The following RPL31 variants were observed in gnomAD, a reference collection of about 807,000 sequenced individuals.
RPL31 encodes the protein large ribosomal subunit protein eL31.
For synonymous variants in RPL31, 51 were observed against 55.0 expected (o/e 0.93, Z 0.32); for missense variants, 95 against 164.0 (o/e 0.58, Z 2.30).
chr2:101,005,707 A>C, intron 3 of RPL31: 1 of 502,618 alleles, frequency 2.0e-6, no homozygotes, highest in Non-Finnish European at 3.5e-6. Context: ...ATATCTGCTT[A>C]GGATTAACCG....
Position 101,006,417 on chromosome 2 carries a change from G to A in RPL31, c.*36G>A, listed in dbSNP as rs1678740199. On this transcript the variant is annotated 3_prime_UTR_variant, in exon 5 of 5. Coordinates refer to ENST00000264258, the MANE Select transcript of RPL31 (RefSeq NM_000993.5). The stretch of plus-strand genomic sequence containing the variant: ...TCAGATCAAATAAAGTTATAAAATT[G>A]CCTTCATGTTTTTGTTCTTTTTAGT... 2 of 1,596,042 alleles carry A rather than the reference G, an allele frequency of 1.3e-6. No homozygotes were observed. The highest frequency in any genetic ancestry group is 1.7e-6 in the Non-Finnish European group (2 of 1,173,496).
chr2:101,004,436 ATC>A (rs898615594), intron 3 of RPL31, 153 bp downstream of exon 3: 1 of 757,098 alleles, frequency 1.3e-6, no homozygotes, highest in African/African-American at 1.8e-5. Flanking sequence ...GGTGTGTAGT[ATC>A]TGCAGGGAAG....
chr2:101,004,001 C>T (rs530918138), intron 2 of RPL31, among the ~76,000 whole-genome samples, 157 bp from the exon 3 acceptor site: 10 of 152,304 alleles, frequency 6.6e-5, no homozygotes, highest in East Asian at 3.9e-4. Context: ...GCTTTAAGCA[C>T]ACTGGCCTAC....
At chr2:101,008,931 C>T (rs185302246), downstream of RPL31, among the ~76,000 whole-genome samples, 14 of 152,206 alleles carry the variant, frequency 9.2e-5, no homozygotes, top group Admixed American at 9.2e-4. Flanking sequence ...GGGCATGTTC[C>T]TCTGGTGGGA....
At chr2:101,007,611 C>T (rs1013293785), downstream of RPL31, 21 of 560,600 alleles carry the variant, frequency 3.7e-5, no homozygotes, top group Non-Finnish European at 6.2e-5. Flanking sequence ...TCAAGGGAAC[C>T]AATGGATACC....
downstream of RPL31, chr2:101,010,802 AACCCTGG>A (rs1220024389): frequency 1.5e-4 from 103 of 706,050 alleles, 1 homozygote; most frequent in Non-Finnish European, 4.0e-5. Flanking sequence ...GAACTGCTTG[AACCCTGG>A]AGGTGGAGGT....
chr2:101,019,121 A>G, exon 5 of RPL31: 1 of 1,539,770 alleles, frequency 6.5e-7, no homozygotes, highest in African/African-American at 1.4e-5. Flanking sequence ...CTTTACAACC[A>G]AGCTCACCGA....
chr2:101,004,403 AAAAT>A (rs2105348802), intron 3 of RPL31, 120 bp downstream of exon 3: 1 of 1,077,162 alleles, frequency 9.3e-7, no homozygotes, highest in African/African-American at 1.6e-5. Context: ...ATAAAAAAAA[AAAAT>A]ACTGTGACCG....
downstream of RPL31, chr2:101,008,109 C>CTT: frequency 6.2e-7 from 1 of 1,613,834 alleles, no homozygotes; most frequent in East Asian, 2.2e-5. Flanking sequence ...GCAGCTCCTC[C>CTT]CCACACTCCT....
At chr2:101,011,365 A>G (rs1679195935), downstream of RPL31, 1 of 1,303,628 alleles carries the variant, frequency 7.7e-7, no homozygotes, top group African/African-American at 1.5e-5. Flanking sequence ...CAAGGCTGCT[A>G]CAAGAAGAGG....
At chr2:101,018,983 A>G (rs761171858) in intron 4 of RPL31, 11 of 1,610,992 alleles carry the variant, frequency 6.8e-6, no homozygotes, top group African/African-American at 2.7e-5. Context: ...ATCATCTGTA[A>G]TATTTCTGTG....
intron 2 of RPL31, among the ~76,000 whole-genome samples, 167 bp from the exon 3 acceptor site, chr2:101,003,991 G>A (rs969651489): frequency 6.6e-6 from 1 of 152,154 alleles, no homozygotes; most frequent in Non-Finnish European, 1.5e-5. Context: ...TCTTCACTGA[G>A]CTTTAAGCAC....
At chr2:101,008,565 A>G (rs1023526860), downstream of RPL31, among the ~76,000 whole-genome samples, 1 of 152,184 alleles carries the variant, frequency 6.6e-6, no homozygotes, top group African/African-American at 2.4e-5. Context: ...CTGTAATCCC[A>G]GCACTGTGGG....
intron 3 of RPL31, chr2:101,004,711 GT>G: frequency 5.3e-6 from 1 of 187,024 alleles, no homozygotes; most frequent in East Asian, 1.3e-4. Context: ...TGTGGCGGGG[GT>G]GGGGGGCAGT....
rs1242929521 is a variant in RPL31, at chr2:101,019,302, T to C, written c.*264T>C. ...AAATTCACATTTGATGTAATCTCAT[T>C]ATACTTCCTGATCTGTGATTGAAAA... On this transcript the variant is annotated 3_prime_UTR_variant, in exon 5 of 5. Coordinates refer to the RPL31 transcript ENST00000409028. 4.3e-5 allele frequency: 15 copies of C among 352,072 alleles called. 1 individual carries two copies. Among genetic ancestry groups the C allele is most frequent in the Non-Finnish European group, 7.8e-5 (15 of 193,250 alleles). The allele number at this position is 352,072 out of a possible 1,614,324, so 21.8% of individuals were successfully genotyped here. A position where few individuals can be genotyped will look rare whatever the true frequency, so the allele number is the denominator to read the frequency against.
downstream of RPL31, among the ~76,000 whole-genome samples, chr2:101,012,027 TAGTGAATTC>T (rs59666991): frequency 0.1 from 15,866 of 152,244 alleles, 944 homozygotes; most frequent in Non-Finnish European, 0.14. Flanking sequence ...AGAAAAGCCT[TAGTGAATTC>T]AAAGCAGCAT....
At chr2:101,017,038 C>T (rs1468883306) in intron 4 of RPL31, among the ~76,000 whole-genome samples, 1 of 150,674 alleles carries the variant, frequency 6.6e-6, no homozygotes, top group Non-Finnish European at 1.5e-5. Flanking sequence ...AACTAACCTG[C>T]ACATTGTGCA....
rs1299263466 is a variant in RPL31, at chr2:101,006,707, T to TAACA, written c.*327_*330dup. On this transcript the variant is annotated 3_prime_UTR_variant, in exon 5 of 5. Coordinates refer to ENST00000264258, the MANE Select transcript of RPL31 (RefSeq NM_000993.5). ...TAGAATCCAGTTGCCATTGACATCT[T>TAACA]AACATTTTAGGAAACAACTTTAAAA... 4.3e-5 allele frequency: 12 copies of TAACA among 282,294 alleles called. No individual in the cohort carries two copies. In the South Asian group the frequency reaches 6.8e-4, roughly 16 times the overall value. The allele number at this position is 282,294 out of a possible 1,614,324, so 17.5% of individuals were successfully genotyped here.
At chr2:101,019,590 C>T (rs1260794617) in exon 5 of RPL31, 1 of 152,512 alleles carries the variant, frequency 6.6e-6, no homozygotes, top group Non-Finnish European at 1.5e-5. Flanking sequence ...ATCTTAATTT[C>T]CACTGAACTT....
Sources: gnomAD v4.1 joint callset for allele counts (sites outside exome capture counted in the v4.1 genomes callset) on GRCh38, gnomAD v4.1.1 for gene constraint, MANE v1.5 for transcripts, NCBI Gene and HGNC (gene_info 2026-07-23, HGNC 2026-07-21) for gene names.